Variants in SON observed in about 807,000 individuals in gnomAD.
SON encodes SON DNA and RNA binding protein, also known as protein SON.
A neutral mutation model predicts 173.3 loss-of-function variants in SON; 4 were observed. That is an observed-to-expected ratio of 0.02 (90% CI 0.01 to 0.05). The LOEUF (loss-of-function observed/expected upper bound fraction) is 0.05. SON is among the 10% of genes least tolerant of loss of function. The probability of loss-of-function intolerance (pLI) is 1.00; values close to 1 mark genes in which losing one functional copy is unlikely to be tolerated. For missense variants in SON, 2,626 were observed against 3,055.3 expected, an observed-to-expected ratio of 0.86 and a Z score of 3.31; for synonymous variants, 1,190 against 1,105.9, an observed-to-expected ratio of 1.08 and a Z score of -1.51.
intron 6 of SON, among the ~76,000 whole-genome samples, chr21:33,565,877 A>G (rs1370184039): frequency 1.3e-5 from 2 of 152,218 alleles, no homozygotes; most frequent in Admixed American, 1.3e-4. Flanking sequence ...AGCTAAAGGA[A>G]TATTAGTTTA....
intron 6 of SON, among the ~76,000 whole-genome samples, chr21:33,561,663 T>G (rs539658043): frequency 3.9e-5 from 6 of 152,226 alleles, no homozygotes; most frequent in South Asian, 4.1e-4. Context: ...TATTTGAAAT[T>G]TAGTACTCAG....
rs754959609 is a variant in SON, at chr21:33,559,808, T to C, written c.6657+33T>C. 6.2e-7 allele frequency: 1 copy of C among 1,607,874 alleles called. No individual in the cohort carries two copies. Among genetic ancestry groups the C allele is most frequent in the South Asian group, 1.1e-5 (1 of 90,702 alleles). ...GGAGGAATATTATGTATTTTTCCTT[T>C]TTTATACCTGAATCTGCCATTTCAT... On this transcript the variant is annotated intron_variant, in intron 6 of 11. Transcript: ENST00000356577. The surrounding 1 kb of genome is among the most constrained non-coding windows in gnomAD (Gnocchi z 4.1).
At chr21:33,575,080 G>T (rs1281638792) in intron 9 of SON, among the ~76,000 whole-genome samples, 1 of 151,824 alleles carries the variant, frequency 6.6e-6, no homozygotes, top group Admixed American at 6.6e-5. Context: ...TTTGCTCGTT[G>T]CCCAGGCTGT....
intron 2 of SON, 58 bp from the exon 3 acceptor site, chr21:33,549,418 A>G: frequency 7.1e-7 from 1 of 1,400,706 alleles, no homozygotes. Context: ...GGTTTATATG[A>G]TTTAATCTAA....
At chr21:33,543,556 T>G in intron 1 of SON, 2 of 258,318 alleles carry the variant, frequency 7.7e-6, no homozygotes, top group South Asian at 4.1e-5. Flanking sequence ...CCTCCGCGGA[T>G]TTTGCCGGCC....
In SON at chr21:33,550,420, C is replaced by T; in HGVS notation, c.1189C>T (p.Pro397Ser). Residue 397 changes from proline (P) to serine (S), a missense_variant, in exon 3 of 12, where the codon CCC becomes TCC. Physicochemically the swap from Pro to Ser is moderately conservative, Grantham distance 74. Transcript: ENST00000356577. ...GACCTCCATGCCGGAGTTGCAGGGG[C>T]CCCCTGTGACTCCAGTGCTGGAGTT... ...PATSMPELQG[P>S]PVTPVLELPG... 1 of 1,613,710 alleles carries T rather than the reference C, an allele frequency of 6.2e-7. No homozygotes were observed. The highest frequency in any genetic ancestry group is 8.5e-7 in the Non-Finnish European group (1 of 1,179,902).
chr21:33,549,614 A>C lies in SON; in HGVS notation c.383A>C (p.Lys128Thr). Residue 128 changes from lysine to threonine, a missense_variant, in exon 3 of 12, where the codon AAA (lysine) becomes ACA (threonine). Lys to Thr is a moderately conservative substitution (Grantham distance 78). Around this residue, in one of 13 missense-constraint regions of SON, gnomAD observed 757 missense variants for 730.1 expected, o/e 1.04. Transcript: ENST00000356577. The stretch of plus-strand genomic sequence containing the variant: ...AAAAAGAAGAAAGAAAAGGAAAAAA[A>C]ATATAAAAGACAGCCAGAAGAATCT... ...KKKKKKEKEKKYKRQPEESES... is the reference protein window; with the variant it reads ...KKKKKKEKEKTYKRQPEESES... 1 of 1,598,102 alleles carries C rather than the reference A, an allele frequency of 6.3e-7. No homozygotes were observed. The highest frequency in any genetic ancestry group is 8.5e-7 in the Non-Finnish European group (1 of 1,175,790).
rs1157500568 is a variant in SON, at chr21:33,577,180, T to C, written c.*756T>C. 2 of 2,814 alleles carry C rather than the reference T, an allele frequency of 7.1e-4. No individual in the cohort carries two copies. The highest frequency in any genetic ancestry group is 2.2e-3 in the African/African-American group (1 of 464). The allele number at this position is 2,814 out of a possible 1,614,324, so 0.2% of individuals were successfully genotyped here. ...AAAATGAAGTCTGACTAGAATTCTA[T>C]TGCAGAGGCCAGTACATTTAGTATG... On this transcript the variant is annotated 3_prime_UTR_variant, in exon 12 of 12. Coordinates refer to ENST00000356577, the MANE Select transcript of SON (RefSeq NM_138927.4).
At chr21:33,569,561 C>G (rs1002801366) in intron 8 of SON, 1 of 434,196 alleles carries the variant, frequency 2.3e-6, no homozygotes, top group African/African-American at 2.1e-5. Flanking sequence ...CCTCGCACCC[C>G]ACCCGCTTCA....
chr21:33,562,262 A>G (rs1474333982), intron 6 of SON, among the ~76,000 whole-genome samples: 1 of 152,220 alleles, frequency 6.6e-6, no homozygotes, highest in African/African-American at 2.4e-5. Context: ...TTTTGGTAAC[A>G]CTTCGTGGGA....
At position 33,554,346 on chromosome 21, in the gene SON, A is replaced by C; in HGVS notation, c.5115A>C (p.Glu1705Asp). 6.2e-7 allele frequency: 1 copy of C among 1,614,176 alleles called. No homozygotes were observed. Among genetic ancestry groups the C allele is most frequent in the South Asian group, 1.1e-5 (1 of 91,088 alleles). ...GCCCTAAAGAAAGTAGTGGAGGAGA[A>C]AAAGAAGTACCTCCCCCTCCTAAAG... ...LLSPKESSGG[E>D]KEVPPPPKET... The change falls in exon 3 of 12, where the codon GAA (glutamate) becomes GAC (aspartate). Residue 1705 changes from glutamate (E) to aspartate (D), a missense_variant. This residue lies in a region of SON where 1,006 missense variants were observed against 895.6 expected (regional missense o/e 1.12). Coordinates refer to ENST00000356577, the MANE Select transcript of SON (RefSeq NM_138927.4).
Position 33,573,466 on chromosome 21 carries a change from C to T in SON, c.7033+11C>T. 3 of 1,604,056 alleles carry T rather than the reference C, an allele frequency of 1.9e-6. No individual in the cohort carries two copies. Among genetic ancestry groups the T allele is most frequent in the Non-Finnish European group, 2.6e-6 (3 of 1,175,700 alleles). On this transcript the variant is annotated intron_variant, in intron 9 of 11. Coordinates refer to ENST00000356577, the MANE Select transcript of SON (RefSeq NM_138927.4). ...AGACAGACCGAAAAGGTAACAAGTT[C>T]TTTTTTGGAATGTTTATTAACGTCT...
At chr21:33,560,464 A>G in intron 6 of SON, 1 of 1,042,346 alleles carries the variant, frequency 9.6e-7, no homozygotes, top group Non-Finnish European at 1.2e-6. Flanking sequence ...CCACGGGGCT[A>G]TAGTTGTATC....
chr21:33,570,931 G>A (rs888614807), intron 8 of SON, among the ~76,000 whole-genome samples: 1 of 152,158 alleles, frequency 6.6e-6, no homozygotes, highest in Non-Finnish European at 1.5e-5. Context: ...TTTAAAAAGT[G>A]AATCTTTTAC....
rs2085860719 is a variant in SON, at chr21:33,553,324, G to A, written c.4093G>A (p.Val1365Met). The change falls in exon 3 of 12, where the codon GTG becomes ATG. Residue 1365 changes from valine to methionine, a missense_variant. By Grantham distance (21) the Val-to-Met change is conservative. This residue lies in a region of SON where 1,006 missense variants were observed against 895.6 expected (regional missense o/e 1.12). Coordinates refer to ENST00000356577, the MANE Select transcript of SON (RefSeq NM_138927.4). The stretch of plus-strand genomic sequence containing the variant: ...TATGGCTGTCCTGGAGTCTTCGGCT[G>A]TGACCGTCCTGGAGTCTTCGACTGT... ...SAMAVLESSA[V>M]TVLESSTVTV... is the part of the protein sequence containing the mutation. 6.3e-7 allele frequency: 1 copy of A among 1,583,142 alleles called. No homozygotes were observed. Among genetic ancestry groups the A allele is most frequent in the South Asian group, 1.1e-5 (1 of 90,108 alleles).
rs149181662 is a variant in SON, at chr21:33,550,969, A to G, written c.1738A>G (p.Arg580Gly). The stretch of plus-strand genomic sequence containing the variant: ...GTTGCCAGGGCTGCCTTCGGCAACT[A>G]GGGCACTGGAGTTGTCGGGGCAGCC... ...PELPGLPSATRALELSGQPVA... is the reference protein window; with the variant it reads ...PELPGLPSATGALELSGQPVA... Residue 580 changes from arginine to glycine, a missense_variant, in exon 3 of 12, where the codon AGG becomes GGG. Transcript: ENST00000356577. 6.9e-5 allele frequency: 111 copies of G among 1,602,596 alleles called. No individual in the cohort carries two copies. In the African/African-American group the frequency reaches 1.4e-3, roughly 20 times the overall value.
At chr21:33,560,146 G>A in intron 6 of SON, 1 of 1,606,970 alleles carries the variant, frequency 6.2e-7, no homozygotes. Flanking sequence ...TTTATCGGGT[G>A]GAGGGATTGA....
Position 33,543,123 on chromosome 21 carries a change from T to G in SON, c.31T>G (p.Ser11Ala). Reference protein sequence around the residue: MATNIEQIFRSFVVSKFREIQ... With the variant: MATNIEQIFRAFVVSKFREIQ... ...GACCAACATCGAGCAGATTTTTAGGTCTTTCGTGGTCAGTAAATTCCGGGA... is the reference window on the plus strand; with the variant it reads ...GACCAACATCGAGCAGATTTTTAGGGCTTTCGTGGTCAGTAAATTCCGGGA... Residue 11 changes from serine to alanine, a missense_variant, in exon 1 of 12, where the codon TCT becomes GCT. Ser to Ala is a moderately conservative substitution (Grantham distance 99, BLOSUM62 1). Around this residue, in one of 13 missense-constraint regions of SON, gnomAD observed 757 missense variants for 730.1 expected, o/e 1.04. Transcript: ENST00000356577. 1 of 1,614,196 alleles carries G rather than the reference T, an allele frequency of 6.2e-7. No homozygotes were observed. The highest frequency in any genetic ancestry group is 8.5e-7 in the Non-Finnish European group (1 of 1,180,038).
Position 33,554,406 on chromosome 21 carries a change from TGAG to T in SON, c.5178_5180del (p.Glu1726del), listed in dbSNP as rs1361131570. On this transcript the variant is annotated inframe_deletion, in exon 3 of 12. Transcript: ENST00000356577. The stretch of plus-strand genomic sequence containing the variant: ...CTGATTCAGGATTTTCTGCCAATAT[TGAG>T]GATATTAATGAAGCAGATTTAGTGA... The T allele has an allele frequency of 1.4e-5, 23 of 1,614,036 alleles. No homozygotes were observed. In the East Asian group the frequency reaches 5.1e-4, roughly 36 times the overall value.
Sources: allele counts gnomAD v4.1 joint callset (sites outside exome capture counted in the v4.1 genomes callset), GRCh38; gene constraint gnomAD v4.1.1; regional missense constraint gnomAD v4.1.1; non-coding constraint Gnocchi (gnomAD v3.1); transcripts MANE v1.5; gene names NCBI Gene and HGNC (gene_info 2026-07-23, HGNC 2026-07-21).